SATL1: variants seen among roughly 807,000 people sequenced by gnomAD.
SATL1 encodes spermidine/spermine N1-acetyl transferase like 1, also known as spermidine/spermine N(1)-acetyltransferase-like protein 1.
Under a neutral mutation model 51.8 loss-of-function variants are expected in SATL1, and 47 were observed. The observed-to-expected ratio is 0.91, with a 90% confidence interval of 0.72 to 1.16. The LOEUF (loss-of-function observed/expected upper bound fraction) is 1.16, where lower values mean the gene tolerates loss of function less well. SATL1 is among the 50% of genes most tolerant of loss of function. SATL1 has a pLI of 0.00. For missense variants in SATL1, 520 were observed against 526.4 expected, an observed-to-expected ratio of 0.99 and a Z score of 0.12; for synonymous variants, 176 against 182.4, an observed-to-expected ratio of 0.97 and a Z score of 0.28.
chrX:85,126,604 A>T (rs1186389447), intron 2 of SATL1, among the ~76,000 whole-genome samples: 1 of 111,513 alleles, frequency 9.0e-6, no homozygotes, highest in Non-Finnish European at 1.9e-5. Flanking sequence ...TTTTATGTGG[A>T]TTATAAACTG....
rs779144730 is a variant in SATL1 at position 85,107,509 on chromosome X, C to G, written c.1460G>C (p.Ser487Thr). 2.6e-5 allele frequency: 31 copies of G among 1,212,273 alleles called. No individual in the cohort carries two copies. Among genetic ancestry groups the G allele is most frequent in the Non-Finnish European group, 3.5e-5 (31 of 895,636 alleles). ...GQPGIWEPGP[S>T]QPGLSQQDLN... ...GTCTTGTTGGCTCAGGCCTGGCTGA[C>G]TCGGCCCCGGTTCCCATATGCCTGG... is the stretch of plus-strand genomic sequence containing the variant. Residue 487 changes from serine to threonine, a missense_variant, in exon 3 of 8, where the codon AGT becomes ACT. Physicochemically the swap from Ser to Thr is moderately conservative, Grantham distance 58 (BLOSUM62 1). Coordinates refer to ENST00000644105, the MANE Select transcript of SATL1 (RefSeq NM_001367857.2).
intron 2 of SATL1, among the ~76,000 whole-genome samples, chrX:85,132,317 T>C (rs1264824322): frequency 8.9e-6 from 1 of 111,780 alleles, no homozygotes; most frequent in Non-Finnish European, 1.9e-5. Flanking sequence ...TTTTCAATAG[T>C]CCCATATTTT....
At chrX:85,102,026 C>T (rs1385418363) in intron 4 of SATL1, among the ~76,000 whole-genome samples, 8 of 107,477 alleles carry the variant, frequency 7.4e-5, no homozygotes, top group African/African-American at 2.0e-4. Context: ...GGAGGGAGGT[C>T]GGCAATGGGG....
In SATL1 at chrX:85,200,637, C is replaced by T. The variant is rs751747110; in HGVS notation, c.-313+23568G>A. On this transcript the variant is annotated intron_variant, in intron 2 of 7. Transcript: ENST00000644105. ...GACCATGATCCCCAGTCTTATTCCA[C>T]TAAATTTTGTGTTCACTTACTCATC... Among the ~76,000 whole-genome samples the T allele has an allele frequency of 3.6e-5, 4 of 111,275 alleles. No individual in the cohort carries two copies. In the South Asian group the frequency reaches 1.5e-3, roughly 42 times the overall value.
intron 2 of SATL1, among the ~76,000 whole-genome samples, chrX:85,202,003 T>C (rs1322311788): frequency 1.8e-5 from 2 of 112,104 alleles, no homozygotes; most frequent in Non-Finnish European, 3.8e-5. Flanking sequence ...ATGGGTTGAA[T>C]GGTACTTCTG....
intron 2 of SATL1, among the ~76,000 whole-genome samples, chrX:85,166,825 A>G (rs1283795452): frequency 9.2e-6 from 1 of 108,679 alleles, no homozygotes; most frequent in Admixed American, 1.0e-4. Context: ...ATACCTGCAC[A>G]TGCATGTTTA....
intron 2 of SATL1, among the ~76,000 whole-genome samples, chrX:85,213,649 A>G (rs188357901): frequency 8.9e-6 from 1 of 111,895 alleles, no homozygotes; most frequent in East Asian, 2.8e-4. Context: ...ACAGTGATAA[A>G]TTAAGGAAAC....
At chrX:85,162,375 T>G (rs865824540) in intron 2 of SATL1, among the ~76,000 whole-genome samples, 51 of 111,493 alleles carry the variant, frequency 4.6e-4, no homozygotes, top group Non-Finnish European at 8.5e-4. Context: ...CACTGATTTG[T>G]GTACATTGAT....
intron 4 of SATL1, among the ~76,000 whole-genome samples, chrX:85,102,392 A>G (rs1481716240): frequency 9.0e-6 from 1 of 111,688 alleles, no homozygotes; most frequent in Non-Finnish European, 1.9e-5. Flanking sequence ...TGCTGGTTGC[A>G]CAACAATGGA....
intron 2 of SATL1, among the ~76,000 whole-genome samples, chrX:85,217,950 A>C (rs1399950808): frequency 8.9e-6 from 1 of 111,948 alleles, no homozygotes; most frequent in Non-Finnish European, 1.9e-5. Flanking sequence ...GAAGATAGCC[A>C]GTATAATGTT....
At chrX:85,147,255 G>C (rs982353254) in intron 2 of SATL1, among the ~76,000 whole-genome samples, 5 of 113,562 alleles carry the variant, frequency 4.4e-5, no homozygotes. Flanking sequence ...AAAGGCGACA[G>C]CAAGGCTGGG....
At chrX:85,204,284 A>G (rs1270961912) in intron 2 of SATL1, among the ~76,000 whole-genome samples, 1 of 111,437 alleles carries the variant, frequency 9.0e-6, no homozygotes, top group African/African-American at 3.3e-5. Flanking sequence ...TGTTTCCTTG[A>G]TTAATCCCAA....
chrX:85,133,453 G>A (rs891188317), intron 2 of SATL1, among the ~76,000 whole-genome samples: 18 of 112,406 alleles, frequency 1.6e-4, no homozygotes, highest in African/African-American at 5.2e-4. Context: ...GGGACCCGCT[G>A]AGCCATGCGC....
chrX:85,181,187 G>GTA (rs1274197138), intron 2 of SATL1, among the ~76,000 whole-genome samples: 350 of 87,654 alleles, frequency 4.0e-3, no homozygotes, highest in South Asian at 0.012. Context: ...ATGTGTGTGT[G>GTA]TATATATATA....
At chrX:85,118,029 G>A (rs1368269734) in intron 2 of SATL1, among the ~76,000 whole-genome samples, 6 of 104,305 alleles carry the variant, frequency 5.8e-5, no homozygotes, top group African/African-American at 2.1e-4. Context: ...GGATCTGGGG[G>A]CTAGTCTGGG....
At chrX:85,093,774 G>T (rs142105579) in intron 6 of SATL1, among the ~76,000 whole-genome samples, 2,069 of 111,938 alleles carry the variant, frequency 0.018, 36 homozygotes, top group African/African-American at 0.046. Context: ...TGAGGTGGGA[G>T]GATTGCTTGA....
chrX:85,229,639 C>T (rs904068839), intron 1 of SATL1, among the ~76,000 whole-genome samples: 3 of 110,618 alleles, frequency 2.7e-5, no homozygotes, highest in African/African-American at 9.8e-5. Flanking sequence ...AAAGTCTCAA[C>T]AGATCAGTTA....
intron 2 of SATL1, among the ~76,000 whole-genome samples, chrX:85,165,764 T>C (rs1196381403): frequency 9.0e-6 from 1 of 111,626 alleles, no homozygotes; most frequent in Non-Finnish European, 1.9e-5. Context: ...CTATCCCCCA[T>C]TGAAAAAATA....
intron 2 of SATL1, among the ~76,000 whole-genome samples, chrX:85,160,555 C>T (rs1325017084): frequency 9.1e-6 from 1 of 109,706 alleles, no homozygotes; most frequent in Non-Finnish European, 1.9e-5. Flanking sequence ...AAGTAGAATA[C>T]CAGAATAGAC....
Sources: allele counts gnomAD v4.1 joint callset (sites outside exome capture counted in the v4.1 genomes callset), GRCh38; gene constraint gnomAD v4.1.1; transcripts MANE v1.5; gene names NCBI Gene and HGNC (gene_info 2026-07-23, HGNC 2026-07-21).